Variants in SRR observed in about 807,000 individuals in gnomAD.
The protein encoded by SRR is serine racemase.
Under a neutral mutation model 32.7 loss-of-function variants are expected in SRR, and 19 were observed. The observed-to-expected ratio is 0.58, with a 90% CI of 0.40 to 0.85. The LOEUF (loss-of-function observed/expected upper bound fraction) is 0.85. Among genes scored for constraint, SRR ranks in the 40% least tolerant of loss-of-function variants. The probability of loss-of-function intolerance (pLI) is 0.00; values close to 1 mark genes in which losing one functional copy is unlikely to be tolerated. For missense variants in SRR, 373 were observed against 404.7 expected (o/e 0.92, Z 0.67); for synonymous variants, 142 against 140.9 (o/e 1.01, Z -0.06).
At position 2,323,083 on chromosome 17, in the gene SRR, T is replaced by G; in HGVS notation, c.595-53T>G. 4 of 1,574,230 alleles carry G rather than the reference T, an allele frequency of 2.5e-6. No individual in the cohort carries two copies. The South Asian group carries it at 3.3e-5, about 13-fold the overall frequency. ...CCAGGCCCATATTTTCTTTTAGACA[T>G]GCAGGCAATGTTGTGGTTTGTTGTT... On this transcript the variant is annotated intron_variant, in intron 6 of 7. Coordinates refer to ENST00000344595, the MANE Select transcript of SRR (RefSeq NM_021947.3).
At position 2,324,971 on chromosome 17, in the gene SRR, G is replaced by GT. The variant is rs2075566744; in HGVS notation, c.*1099dup. On this transcript the variant is annotated 3_prime_UTR_variant, in exon 8 of 8. Transcript: ENST00000344595. Reference sequence around the variant, plus strand: ...AATCTGAGGCTAAGATTGGTAAACTGTAAGCCCACACTTAACCTTGTCAAT... The same window carrying GT: ...AATCTGAGGCTAAGATTGGTAAACTGTTAAGCCCACACTTAACCTTGTCAAT... The GT allele has an allele frequency of 1.1e-6, 1 of 899,204 alleles. No individual in the cohort carries two copies. The highest frequency in any genetic ancestry group is 1.7e-5 in the African/African-American group (1 of 59,340). The allele number at this position is 899,204 out of a possible 1,614,324, so 55.7% of individuals were successfully genotyped here. A position where few individuals can be genotyped will look rare whatever the true frequency, so the allele number is the denominator to read the frequency against.
chr17:2,303,816 C>T (rs573678388), upstream of SRR: 4 of 1,013,286 alleles, frequency 3.9e-6, no homozygotes, highest in Non-Finnish European at 5.5e-6. Context: ...CGCCCACCTC[C>T]CGGCCTTTCC....
chr17:2,317,461 G>A (rs952514467), intron 2 of SRR, among the ~76,000 whole-genome samples: 1 of 151,008 alleles, frequency 6.6e-6, no homozygotes. Context: ...GCAGTGAGCC[G>A]AGATCGCGCC....
At chr17:2,303,657 G>C (rs200925858), upstream of SRR, 57 of 1,491,878 alleles carry the variant, frequency 3.8e-5, no homozygotes, top group African/African-American at 7.8e-4. Context: ...TGCGGGGCCA[G>C]AGTAGCCAGG....
At chr17:2,323,081 C>T (rs536565100) in intron 6 of SRR, 55 bp from the exon 7 acceptor site, 58 of 1,563,774 alleles carry the variant, frequency 3.7e-5, no homozygotes, top group Non-Finnish European at 5.3e-6. Context: ...TTCTTTTAGA[C>T]ATGCAGGCAA....
intron 4 of SRR, 121 bp downstream of exon 4, chr17:2,319,050 G>T: frequency 9.9e-6 from 6 of 608,406 alleles, no homozygotes; most frequent in Middle Eastern, 3.7e-4. Context: ...CTGTTAGCAT[G>T]CTCAACCTTT....
At chr17:2,322,186 C>T (rs1212370471) in intron 6 of SRR, among the ~76,000 whole-genome samples, 2 of 152,276 alleles carry the variant, frequency 1.3e-5, no homozygotes, top group South Asian at 4.1e-4. Context: ...ACTTTGGCCT[C>T]CCAAAGTGCT....
chr17:2,303,781 A>G (rs2075347179), upstream of SRR: 3 of 1,363,268 alleles, frequency 2.2e-6, no homozygotes, highest in Non-Finnish European at 2.9e-6. Flanking sequence ...CCAGGAAACC[A>G]CCACAGACGG....
At chr17:2,307,373 G>T in intron 1 of SRR, 10 of 1,078,746 alleles carry the variant, frequency 9.3e-6, no homozygotes, top group South Asian at 1.2e-5. Context: ...TTTGGTGGTG[G>T]TCGTGGAGGT....
chr17:2,307,403 A>C, intron 1 of SRR: 1 of 1,201,508 alleles, frequency 8.3e-7, no homozygotes, highest in Non-Finnish European at 1.2e-6. Flanking sequence ...AGGAATGACA[A>C]CTTTGGTTGT....
Position 2,318,364 on chromosome 17 carries a change from G to A in SRR, c.295+368G>A, listed in dbSNP as rs548417484. ...CTAATTTCACCATGTTGCCCAGGCT[G>A]GTCTCGAACTCCTGGGCTCAAGCAA... On this transcript the variant is annotated intron_variant, in intron 3 of 7. Coordinates refer to ENST00000344595, the MANE Select transcript of SRR (RefSeq NM_021947.3). Among the ~76,000 whole-genome samples, 6 of 151,904 alleles carry A rather than the reference G, an allele frequency of 3.9e-5. No homozygotes were observed. In the East Asian group the frequency reaches 1.2e-3, roughly 29 times the overall value.
Position 2,324,894 on chromosome 17 carries a change from G to C in SRR, c.*1021G>C. On this transcript the variant is annotated 3_prime_UTR_variant, in exon 8 of 8. Transcript: ENST00000344595. ...GGCCAAAGTCTTCATTTATTGCCCA[G>C]TCCATTTAAAGACCCATGCAAGAGC... 6.5e-7 allele frequency: 1 copy of C among 1,538,798 alleles called. No homozygotes were observed. The highest frequency in any genetic ancestry group is 8.7e-7 in the Non-Finnish European group (1 of 1,149,414).
intron 4 of SRR, among the ~76,000 whole-genome samples, 197 bp downstream of exon 4, chr17:2,319,126 C>T (rs1172510655): frequency 6.6e-6 from 1 of 152,132 alleles, no homozygotes; most frequent in Non-Finnish European, 1.5e-5. Context: ...GGTCTAACAA[C>T]ACCAACTCCA....
At chr17:2,321,028 T>C (rs2075523365) in intron 4 of SRR, among the ~76,000 whole-genome samples, 1 of 152,256 alleles carries the variant, frequency 6.6e-6, no homozygotes, top group South Asian at 2.1e-4. Context: ...TCTTTTAAAA[T>C]GTCACTTTAC....
chr17:2,324,634 C>T lies in SRR; in HGVS notation c.*761C>T, dbSNP rs1376925949. 1.2e-6 allele frequency: 2 copies of T among 1,613,910 alleles called. No homozygotes were observed. The highest frequency in any genetic ancestry group is 1.7e-6 in the Non-Finnish European group (2 of 1,180,026). ...GAAACATTTACCCACAAAATGTAAA[C>T]CCAACCTTTATACCACAAAGGCAAT... On this transcript the variant is annotated 3_prime_UTR_variant, in exon 8 of 8. Transcript: ENST00000344595.
intron 1 of SRR, chr17:2,307,548 A>G (rs1409485398): frequency 4.4e-6 from 5 of 1,143,292 alleles, no homozygotes; most frequent in African/African-American, 1.5e-5. Flanking sequence ...TGATTTTGGC[A>G]ATTACAACAA....
At position 2,324,542 on chromosome 17, in the gene SRR, G is replaced by A. The variant is rs200320130; in HGVS notation, c.*669G>A. On this transcript the variant is annotated 3_prime_UTR_variant, in exon 8 of 8. Coordinates refer to ENST00000344595, the MANE Select transcript of SRR (RefSeq NM_021947.3). ...GATATGTCCTCTCCGGCCCCACTTC[G>A]TTCTCAGTTCCACTGGTTTAAACCA... 4.6e-5 allele frequency: 74 copies of A among 1,613,998 alleles called. 1 individual carries two copies. Among genetic ancestry groups the A allele is most frequent in the Non-Finnish European group, 5.8e-5 (68 of 1,180,036 alleles).
At chr17:2,316,774 A>G (rs977930514) in intron 2 of SRR, among the ~76,000 whole-genome samples, 4 of 151,804 alleles carry the variant, frequency 2.6e-5, no homozygotes, top group Non-Finnish European at 2.9e-5. Flanking sequence ...GTGCAGTGGC[A>G]CGATCTCGGC....
At chr17:2,315,783 C>T in intron 2 of SRR, 55 bp downstream of exon 2, 1 of 1,521,894 alleles carries the variant, frequency 6.6e-7, no homozygotes, top group Non-Finnish European at 9.0e-7. Flanking sequence ...TTTCACATAT[C>T]AGTTTGATTC....
Sources: allele counts gnomAD v4.1 joint callset (sites outside exome capture counted in the v4.1 genomes callset), GRCh38; gene constraint gnomAD v4.1.1; transcripts MANE v1.5; gene names NCBI Gene and HGNC (gene_info 2026-07-23, HGNC 2026-07-21).